PLEKHA7: variants seen among roughly 807,000 people sequenced by gnomAD.
PLEKHA7 encodes the protein pleckstrin homology domain-containing family A member 7.
A neutral mutation model predicts 170.0 loss-of-function variants in PLEKHA7; 104 were observed. The ratio of observed to expected loss-of-function variants is 0.61; its 90% CI spans 0.52 to 0.72. The LOEUF is 0.72. PLEKHA7 is among the 30% of genes least tolerant of loss of function. The pLI is 0.00. For synonymous variants in PLEKHA7, 648 were observed against 660.8 expected (o/e 0.98, Z 0.30); for missense variants, 1,615 against 1,671.7 (o/e 0.97, Z 0.59).
At chr11:16,992,980 T>C (rs933790099) in intron 3 of PLEKHA7, among the ~76,000 whole-genome samples, 5 of 152,160 alleles carry the variant, frequency 3.3e-5, no homozygotes, top group East Asian at 3.9e-4. Flanking sequence ...AAGTGATATT[T>C]GACGTGCTCT....
chr11:16,911,032 T>C (rs177555), intron 3 of PLEKHA7, among the ~76,000 whole-genome samples: 60,916 of 152,070 alleles, frequency 0.4, 13,312 homozygotes, highest in African/African-American at 0.57. Context: ...ATCTGATGAC[T>C]TGGCATCCTG....
rs891664146 is a variant in PLEKHA7, at chr11:16,985,029, G to A, written c.221+28960C>T. ...CTTCTTTCATCAAAAGGAAGGATCCGGATATCCTATACCATAAGTGTCTTG... is the reference window on the plus strand; with the variant it reads ...CTTCTTTCATCAAAAGGAAGGATCCAGATATCCTATACCATAAGTGTCTTG... On this transcript the variant is annotated intron_variant, in intron 3 of 26. Transcript: ENST00000531066. 5.9e-5 allele frequency among the ~76,000 whole-genome samples: 9 copies of A among 152,164 alleles called. No homozygotes were observed. The East Asian group carries it at 1.5e-3, about 26-fold the overall frequency.
rs142852094 is a variant in PLEKHA7, at chr11:16,802,538, A to T, written c.2157+434T>A. Among the ~76,000 whole-genome samples the T allele has an allele frequency of 5.6e-4, 84 of 148,874 alleles. 2 individuals are homozygous for T. In the East Asian group the frequency reaches 0.012, roughly 22 times the overall value. On this transcript the variant is annotated intron_variant, in intron 15 of 26. Coordinates refer to ENST00000531066, the MANE Select transcript of PLEKHA7 (RefSeq NM_001329630.2). ...GAAACCCCTAAGAAACACCATTTAA[A>T]CACAAAGGCTTTTTTTTTTTTCCTC... is the stretch of plus-strand genomic sequence containing the variant.
intron 3 of PLEKHA7, among the ~76,000 whole-genome samples, chr11:16,906,202 A>G (rs1211382929): frequency 6.7e-6 from 1 of 149,038 alleles, no homozygotes; most frequent in African/African-American, 2.5e-5. Context: ...ATCCTTAAAG[A>G]GGTGATCAAG....
chr11:16,803,331 G>T (rs1017791327), intron 13 of PLEKHA7, 36 bp from the exon 14 acceptor site: 2 of 1,583,508 alleles, frequency 1.3e-6, no homozygotes, highest in Non-Finnish European at 1.7e-6. Flanking sequence ...ATTTAACCAT[G>T]GTGTTTGAGA....
intron 13 of PLEKHA7, among the ~76,000 whole-genome samples, chr11:16,806,490 C>T (rs1214677215): frequency 6.6e-6 from 1 of 152,262 alleles, no homozygotes; most frequent in South Asian, 2.1e-4. Context: ...AATCAAAGGC[C>T]ACCCAGGCAT....
At chr11:16,889,022 T>A (rs898447940) in intron 3 of PLEKHA7, among the ~76,000 whole-genome samples, 1 of 145,486 alleles carries the variant, frequency 6.9e-6, no homozygotes, top group African/African-American at 2.6e-5. Flanking sequence ...CCCTGTGACC[T>A]GCACATATAC....
At chr11:16,855,283 T>C (rs999339990) in intron 5 of PLEKHA7, among the ~76,000 whole-genome samples, 2 of 152,230 alleles carry the variant, frequency 1.3e-5, no homozygotes, top group East Asian at 1.9e-4. Flanking sequence ...ATATGTTCCA[T>C]GGCTTTCTGG....
rs1355759583 is a variant in PLEKHA7, at chr11:16,851,271, G to A, written c.616C>T (p.Leu206Phe). The change falls in exon 8 of 27, where the codon CTC becomes TTC. Residue 206 changes from leucine to phenylalanine, a missense_variant. Transcript: ENST00000531066. ...YYKDSREEAV[L>F]GSIPLPSYVI... Reference sequence around the variant, plus strand: ...TAGCTGGGCAAGGGGATGCTCCCGAGGACCGCTTCTTCTCGGCTGTCTTTG... The same window carrying A: ...TAGCTGGGCAAGGGGATGCTCCCGAAGACCGCTTCTTCTCGGCTGTCTTTG... 1 of 1,611,044 alleles carries A rather than the reference G, an allele frequency of 6.2e-7. No homozygotes were observed. Among genetic ancestry groups the A allele is most frequent in the African/African-American group, 1.3e-5 (1 of 74,860 alleles).
chr11:16,868,401 C>T (rs1854564634), intron 4 of PLEKHA7, among the ~76,000 whole-genome samples: 1 of 152,148 alleles, frequency 6.6e-6, no homozygotes. Context: ...GGGGCATGCA[C>T]ACATTATTCC....
chr11:16,816,966 G>A lies in PLEKHA7; in HGVS notation c.1700C>T (p.Pro567Leu). 6.2e-6 allele frequency: 10 copies of A among 1,611,204 alleles called. No individual in the cohort carries two copies. The highest frequency in any genetic ancestry group is 7.6e-6 in the Non-Finnish European group (9 of 1,178,462). The change falls in exon 11 of 27, where the codon CCT becomes CTT. Residue 567 changes from proline to leucine, a missense_variant. By Grantham distance (98) the Pro-to-Leu change is moderately conservative. Coordinates refer to ENST00000531066, the MANE Select transcript of PLEKHA7 (RefSeq NM_001329630.2). ...GGGAGGGATGTCCGAGGGAGATGGA[G>A]GCACAGAGATGGAGCGGGGCACCTC... ...MLEVPRSISV[P>L]PSPSDIPPPG...
At chr11:16,838,749 C>T (rs1344488076) in intron 9 of PLEKHA7, among the ~76,000 whole-genome samples, 3 of 139,860 alleles carry the variant, frequency 2.1e-5, no homozygotes, top group Non-Finnish European at 4.5e-5. Flanking sequence ...GGCAGTGGTG[C>T]GATCTCTGCT....
chr11:16,834,365 C>T (rs1225040269), intron 9 of PLEKHA7, among the ~76,000 whole-genome samples: 2 of 152,082 alleles, frequency 1.3e-5, no homozygotes, highest in East Asian at 3.9e-4. Context: ...AACAAATGCA[C>T]CAATTCAAGT....
intron 3 of PLEKHA7, among the ~76,000 whole-genome samples, chr11:16,918,156 T>TCA (rs1316669812): frequency 6.6e-6 from 1 of 152,148 alleles, no homozygotes; most frequent in Non-Finnish European, 1.5e-5. Context: ...GGCTCACAAT[T>TCA]CACATGGCGT....
chr11:16,788,874 G>A, intron 23 of PLEKHA7: 1 of 611,644 alleles, frequency 1.6e-6, no homozygotes, highest in East Asian at 2.8e-5. Flanking sequence ...TCAGGCTCCT[G>A]GGCCTGTTTG....
intron 3 of PLEKHA7, among the ~76,000 whole-genome samples, chr11:16,946,447 G>T (rs150530931): frequency 3.3e-5 from 5 of 152,128 alleles, no homozygotes; most frequent in African/African-American, 4.8e-5. Flanking sequence ...TGGAGGGGAG[G>T]GGGGGACTTT....
intron 4 of PLEKHA7, among the ~76,000 whole-genome samples, chr11:16,864,734 G>A (rs573961730): frequency 3.3e-5 from 5 of 152,252 alleles, no homozygotes; most frequent in South Asian, 2.1e-4. Flanking sequence ...TTTGCCTTCC[G>A]CCATGATTGT....
chr11:16,906,278 G>GGAAGGAAA lies in PLEKHA7; in HGVS notation c.222-35097_222-35096insTTTCCTTC, dbSNP rs1554968186. Among the ~76,000 whole-genome samples the GGAAGGAAA allele has an allele frequency of 2.5e-3, 245 of 98,618 alleles. 1 individual carries two copies. The highest frequency in any genetic ancestry group is 4.4e-3 in the Non-Finnish European group (199 of 45,256). The allele number at this position is 98,618 out of a possible 152,430, so 64.7% of individuals were successfully genotyped here. A position where few individuals can be genotyped will look rare whatever the true frequency, so the allele number is the denominator to read the frequency against. On this transcript the variant is annotated intron_variant, in intron 3 of 26. Coordinates refer to ENST00000531066, the MANE Select transcript of PLEKHA7 (RefSeq NM_001329630.2). ...AGGAAGGAAGGAAGGAAGGAAGGAA[G>GGAAGGAAA]GAAAGAAAGAAAATTGGAAAGGCTC...
chr11:16,954,695 C>CTT (rs879408307), intron 3 of PLEKHA7, among the ~76,000 whole-genome samples: 6 of 143,798 alleles, frequency 4.2e-5, no homozygotes, highest in Non-Finnish European at 6.1e-5. Flanking sequence ...CTCATGTTTT[C>CTT]TTTTTTTTTT....
Sources: allele counts gnomAD v4.1 joint callset (sites outside exome capture counted in the v4.1 genomes callset), GRCh38; gene constraint gnomAD v4.1.1; transcripts MANE v1.5; gene names NCBI Gene and HGNC (gene_info 2026-07-23, HGNC 2026-07-21).